NRXN1: variants seen among roughly 807,000 people sequenced by gnomAD.
NRXN1 encodes neurexin 1.
A neutral mutation model predicts 150.9 loss-of-function variants in NRXN1; 39 were observed. That is an observed-to-expected ratio of 0.26 (90% CI 0.20 to 0.34). The LOEUF is 0.34. Among genes scored for constraint, NRXN1 ranks in the 10% least tolerant of loss-of-function variants. NRXN1 has a pLI of 1.00. For missense variants in NRXN1, 1,815 were observed against 1,949.9 expected (o/e 0.93, Z 1.30); for synonymous variants, 924 against 757.0 (o/e 1.22, Z -3.62).
At chr2:50,970,162 G>A (rs1393621916) in intron 2 of NRXN1, among the ~76,000 whole-genome samples, 1 of 152,110 alleles carries the variant, frequency 6.6e-6, no homozygotes. Flanking sequence ...GAGAGAAAAA[G>A]TAATATTTGT....
At chr2:50,523,764 C>T (rs867524492) in intron 12 of NRXN1, among the ~76,000 whole-genome samples, 7 of 152,246 alleles carry the variant, frequency 4.6e-5, no homozygotes, top group South Asian at 2.1e-4. Context: ...AAGTCAAAAG[C>T]GAGGTCAAGT....
intron 18 of NRXN1, among the ~76,000 whole-genome samples, chr2:50,222,304 T>C (rs532085332): frequency 1.3e-5 from 2 of 152,114 alleles, no homozygotes; most frequent in South Asian, 4.1e-4. Context: ...TTCACCGCTA[T>C]ACTAGTGTAA....
intron 15 of NRXN1, among the ~76,000 whole-genome samples, chr2:50,478,001 G>T (rs1162882587): frequency 2.0e-5 from 3 of 151,992 alleles, no homozygotes; most frequent in Admixed American, 6.6e-5. Flanking sequence ...GGTGCCTTTC[G>T]GGGAACAATC....
chr2:50,285,088 T>C (rs1186325499), intron 17 of NRXN1, among the ~76,000 whole-genome samples: 1 of 152,142 alleles, frequency 6.6e-6, no homozygotes, highest in African/African-American at 2.4e-5. Flanking sequence ...ATGGCAGTTG[T>C]AGTTGTAGTG....
At chr2:50,708,409 T>C (rs560291833) in intron 5 of NRXN1, among the ~76,000 whole-genome samples, 1 of 152,328 alleles carries the variant, frequency 6.6e-6, no homozygotes, top group East Asian at 1.9e-4. Context: ...GCATTTCTTC[T>C]TATTGGCCAA....
At chr2:50,866,256 C>A (rs943818905) in intron 5 of NRXN1, among the ~76,000 whole-genome samples, 1 of 151,852 alleles carries the variant, frequency 6.6e-6, no homozygotes, top group African/African-American at 2.4e-5. Context: ...TGATTTATAT[C>A]TATATTAGAG....
At chr2:50,240,212 A>T (rs2065886750) in intron 17 of NRXN1, among the ~76,000 whole-genome samples, 1 of 151,750 alleles carries the variant, frequency 6.6e-6, no homozygotes, top group Non-Finnish European at 1.5e-5. Context: ...AAAGCAAAAA[A>T]ATCGCAACTA....
At chr2:50,351,614 C>A (rs200333368) in intron 17 of NRXN1, among the ~76,000 whole-genome samples, 1 of 115,722 alleles carries the variant, frequency 8.6e-6, no homozygotes, top group Non-Finnish European at 1.6e-5. Flanking sequence ...AGGCTTTTCA[C>A]CCTTTATTAT....
intron 5 of NRXN1, among the ~76,000 whole-genome samples, chr2:50,753,216 T>G (rs1287111166): frequency 6.6e-6 from 1 of 151,884 alleles, no homozygotes; most frequent in African/African-American, 2.4e-5. Context: ...TCTATTAGGG[T>G]TTTCAATATG....
intron 21 of NRXN1, among the ~76,000 whole-genome samples, chr2:49,949,567 A>C (rs1673558301): frequency 6.6e-6 from 1 of 151,914 alleles, no homozygotes; most frequent in Non-Finnish European, 1.5e-5. Flanking sequence ...GGAAAAGAGC[A>C]ATTTCCAATT....
At chr2:50,442,425 C>T (rs1558739422) in intron 17 of NRXN1, among the ~76,000 whole-genome samples, 2 of 152,076 alleles carry the variant, frequency 1.3e-5, no homozygotes, top group Admixed American at 6.6e-5. Flanking sequence ...CACCTATACA[C>T]CTATTGCTGA....
rs143715790 is a variant in NRXN1 at position 50,904,398 on chromosome 2, C to T, written c.832+17471G>A. 1.5e-3 allele frequency among the ~76,000 whole-genome samples: 228 copies of T among 152,206 alleles called. 3 individuals are homozygous for T. Among genetic ancestry groups the T allele is most frequent in the African/African-American group, 5.2e-3 (214 of 41,548 alleles). On this transcript the variant is annotated intron_variant, in intron 5 of 22. Transcript: ENST00000401669. ...ATCCCTAAGTATTAAATAGTCCATACGTGAATTTTACAAATGTATCCAAGT... is the reference window on the plus strand; with the variant it reads ...ATCCCTAAGTATTAAATAGTCCATATGTGAATTTTACAAATGTATCCAAGT...
chr2:50,561,862 T>G (rs1159318293), intron 8 of NRXN1, among the ~76,000 whole-genome samples: 1 of 152,198 alleles, frequency 6.6e-6, no homozygotes, highest in Non-Finnish European at 1.5e-5. Flanking sequence ...CACTACTATT[T>G]TAAAAGGAAG....
At chr2:50,872,358 C>T (rs536717090) in intron 5 of NRXN1, among the ~76,000 whole-genome samples, 44 of 151,670 alleles carry the variant, frequency 2.9e-4, no homozygotes, top group African/African-American at 9.9e-4. Flanking sequence ...TGCAGATATA[C>T]GTTGTTGAGC....
chr2:50,476,096 TA>T (rs1458595140), intron 15 of NRXN1, among the ~76,000 whole-genome samples: 1 of 152,106 alleles, frequency 6.6e-6, no homozygotes, highest in East Asian at 1.9e-4. Flanking sequence ...AGGCAATTGA[TA>T]AGGCAAAGGT....
intron 5 of NRXN1, among the ~76,000 whole-genome samples, chr2:50,815,513 T>C (rs921827841): frequency 1.6e-4 from 25 of 152,278 alleles, no homozygotes; most frequent in Non-Finnish European, 7.4e-5. Flanking sequence ...TAAGAACCCA[T>C]GGTATTTTTT....
chr2:50,104,694 C>A (rs1044189816), intron 18 of NRXN1, among the ~76,000 whole-genome samples: 5 of 151,968 alleles, frequency 3.3e-5, no homozygotes, highest in African/African-American at 1.2e-4. Flanking sequence ...AAAAGCTTGT[C>A]CTAAATCACA....
intron 17 of NRXN1, among the ~76,000 whole-genome samples, chr2:50,360,493 A>G (rs1484944125): frequency 6.6e-6 from 1 of 152,196 alleles, no homozygotes; most frequent in Non-Finnish European, 1.5e-5. Flanking sequence ...ACCAACACCA[A>G]CAAACATCAG....
chr2:50,978,761 T>C (rs190431306), intron 2 of NRXN1, among the ~76,000 whole-genome samples: 2 of 152,200 alleles, frequency 1.3e-5, no homozygotes, highest in Admixed American at 6.6e-5. Context: ...CACTTCTTTG[T>C]GCTTTTCCCC....
Sources: allele counts gnomAD v4.1 joint callset (sites outside exome capture counted in the v4.1 genomes callset), GRCh38; gene constraint gnomAD v4.1.1; transcripts MANE v1.5; gene names NCBI Gene and HGNC (gene_info 2026-07-23, HGNC 2026-07-21).